The following VTI1A variants were observed in gnomAD, a reference collection of about 807,000 sequenced individuals.
VTI1A encodes vesicle transport through interaction with t-SNAREs homolog 1A.
A neutral mutation model predicts 34.9 loss-of-function variants in VTI1A; 22 were observed. The observed-to-expected ratio is 0.63, with a 90% confidence interval of 0.45 to 0.90. VTI1A has a LOEUF of 0.90. Ranked by LOEUF, VTI1A falls within the 40% of genes least tolerant of loss-of-function variation. The probability of loss-of-function intolerance (pLI) is 0.00; values close to 1 mark genes in which losing one functional copy is unlikely to be tolerated. For synonymous variants in VTI1A, 87 were observed against 97.3 expected (o/e 0.89, Z 0.62); for missense variants, 268 against 275.6 (o/e 0.97, Z 0.20).
chr10:112,533,622 AGTG>A, intron 4 of VTI1A: 7 of 903,722 alleles, frequency 7.7e-6, no homozygotes, highest in Non-Finnish European at 9.3e-6. Context: ...TTAAATCTGA[AGTG>A]GATCTTTGGA....
chr10:112,574,137 CA>C (rs1434909655), intron 5 of VTI1A, among the ~76,000 whole-genome samples: 1 of 152,036 alleles, frequency 6.6e-6, no homozygotes, highest in Non-Finnish European at 1.5e-5. Flanking sequence ...ATTGCAAAAA[CA>C]AGCAAAGTTT....
chr10:112,683,902 G>C (rs1051662276), intron 7 of VTI1A, among the ~76,000 whole-genome samples: 1 of 152,102 alleles, frequency 6.6e-6, no homozygotes. Context: ...AATTGGCCGG[G>C]CATATTGCTG....
chr10:112,832,856 C>A, the VTI1A span, among the ~76,000 whole-genome samples: 7 of 152,210 alleles, frequency 4.6e-5, no homozygotes, highest in African/African-American at 1.7e-4. Flanking sequence ...CCTGGCCCTG[C>A]AGTAATTCTG....
chr10:112,821,212 A>G (rs1295501796), downstream of VTI1A, among the ~76,000 whole-genome samples: 6 of 152,156 alleles, frequency 3.9e-5, no homozygotes, highest in Non-Finnish European at 2.9e-5. Context: ...TTTGGCGTGA[A>G]TAATAGCTCA....
chr10:112,706,667 C>CA (rs1849209346), intron 7 of VTI1A, among the ~76,000 whole-genome samples: 4 of 152,210 alleles, frequency 2.6e-5, no homozygotes, highest in Admixed American at 2.6e-4. Flanking sequence ...CTCCATAGCA[C>CA]ATGTGGCCTT....
intron 5 of VTI1A, among the ~76,000 whole-genome samples, chr10:112,620,778 G>A (rs548128298): frequency 2.9e-5 from 4 of 139,788 alleles, no homozygotes; most frequent in Non-Finnish European, 6.1e-5. Context: ...CAATAAGACC[G>A]AAACTCCATC....
intron 5 of VTI1A, among the ~76,000 whole-genome samples, chr10:112,627,880 T>G (rs1845983278): frequency 6.6e-6 from 1 of 152,006 alleles, no homozygotes; most frequent in South Asian, 2.1e-4. Context: ...TAAAGTAGGA[T>G]AAAAGGATAG....
At chr10:112,839,243 A>C in the VTI1A span, among the ~76,000 whole-genome samples, 9 of 152,176 alleles carry the variant, frequency 5.9e-5, no homozygotes, top group Admixed American at 5.2e-4. Context: ...ACAGTCTGGC[A>C]GGGGAGGCTG....
intron 5 of VTI1A, among the ~76,000 whole-genome samples, chr10:112,598,194 C>A (rs1402378494): frequency 6.6e-6 from 1 of 152,192 alleles, no homozygotes; most frequent in African/African-American, 2.4e-5. Context: ...AGTCAGTTTT[C>A]TTGCAGTAAA....
intron 5 of VTI1A, among the ~76,000 whole-genome samples, chr10:112,572,159 G>T (rs1022128617): frequency 3.3e-5 from 5 of 152,162 alleles, no homozygotes; most frequent in African/African-American, 4.8e-5. Context: ...GAAAGATAGT[G>T]GTTGATTGTA....
intron 3 of VTI1A, among the ~76,000 whole-genome samples, chr10:112,466,201 G>A (rs1419577809): frequency 6.6e-6 from 1 of 152,146 alleles, no homozygotes; most frequent in South Asian, 2.1e-4. Flanking sequence ...CTTGCCTTAG[G>A]TGTTTTGCTT....
intron 7 of VTI1A, among the ~76,000 whole-genome samples, chr10:112,701,444 A>G (rs566277440): frequency 3.3e-5 from 5 of 152,314 alleles, no homozygotes; most frequent in Admixed American, 1.3e-4. Flanking sequence ...ATATCTGGCA[A>G]CATCCAAACA....
chr10:112,710,399 GT>G (rs972665327), intron 7 of VTI1A, among the ~76,000 whole-genome samples: 1 of 151,892 alleles, frequency 6.6e-6, no homozygotes, highest in African/African-American at 2.4e-5. Context: ...TAGAAATGGG[GT>G]TTTGCCATGT....
intron 3 of VTI1A, among the ~76,000 whole-genome samples, chr10:112,518,895 A>G (rs905933168): frequency 6.6e-6 from 1 of 151,908 alleles, no homozygotes; most frequent in African/African-American, 2.4e-5. Context: ...ATGAGGTATG[A>G]AGTTTCATAT....
At chr10:112,673,624 A>T (rs1436422227) in intron 7 of VTI1A, among the ~76,000 whole-genome samples, 2 of 152,258 alleles carry the variant, frequency 1.3e-5, no homozygotes, top group East Asian at 3.8e-4. Flanking sequence ...TATTAAATGC[A>T]GTTGACCTAG....
At chr10:112,639,956 C>T (rs1179012628) in intron 5 of VTI1A, among the ~76,000 whole-genome samples, 1 of 152,154 alleles carries the variant, frequency 6.6e-6, no homozygotes, top group Non-Finnish European at 1.5e-5. Flanking sequence ...AGTAATTTAA[C>T]TCCTTTGTGC....
At chr10:112,842,693 G>T in the VTI1A span, among the ~76,000 whole-genome samples, 3 of 152,170 alleles carry the variant, frequency 2.0e-5, no homozygotes, top group African/African-American at 7.2e-5. Context: ...TCTGCACTCC[G>T]TGTAGGTGGA....
intron 7 of VTI1A, among the ~76,000 whole-genome samples, chr10:112,786,666 C>G (rs75301203): frequency 0.062 from 9,489 of 152,172 alleles, 449 homozygotes; most frequent in African/African-American, 0.12. Context: ...TACATTTTGC[C>G]AAGTGTTTTT....
intron 1 of VTI1A, among the ~76,000 whole-genome samples, chr10:112,457,556 G>A (rs1355697539): frequency 6.6e-6 from 1 of 152,210 alleles, no homozygotes; most frequent in Non-Finnish European, 1.5e-5. Flanking sequence ...TTTCTGAAGA[G>A]AGTTTTGAAT....
Sources: gnomAD v4.1 joint callset for allele counts (sites outside exome capture counted in the v4.1 genomes callset) on GRCh38, gnomAD v4.1.1 for gene constraint, MANE v1.5 for transcripts, NCBI Gene and HGNC (gene_info 2026-07-23, HGNC 2026-07-21) for gene names.